The following NCOA6 variants were observed in gnomAD, a reference collection of about 807,000 sequenced individuals.
The protein encoded by NCOA6 is nuclear receptor coactivator 6, also known as NRC RAP250.
A neutral mutation model predicts 171.4 loss-of-function variants in NCOA6; 49 were observed. The ratio of observed to expected loss-of-function variants is 0.29; its 90% CI spans 0.23 to 0.36. NCOA6 has a LOEUF of 0.36. Among genes scored for constraint, NCOA6 ranks in the 10% least tolerant of loss-of-function variants. The pLI, the probability that NCOA6 is intolerant of heterozygous loss-of-function variation, is 1.00. For synonymous variants in NCOA6, 910 were observed against 927.5 expected (o/e 0.98, Z 0.34); for missense variants, 2,248 against 2,554.5 (o/e 0.88, Z 2.59).
Position 34,715,299 on chromosome 20 carries a change from T to C in NCOA6, c.*23A>G. ...TGTAAAAGTCACACACATTTCCAAGTATCAAGTCGCAGTCCTGCTTGTTTA... is the reference window on the plus strand; with the variant it reads ...TGTAAAAGTCACACACATTTCCAAGCATCAAGTCGCAGTCCTGCTTGTTTA... On this transcript the variant is annotated 3_prime_UTR_variant, in exon 15 of 15. Transcript: ENST00000359003. 1 of 1,613,924 alleles carries C rather than the reference T, an allele frequency of 6.2e-7. No individual in the cohort carries two copies. The highest frequency in any genetic ancestry group is 8.5e-7 in the Non-Finnish European group (1 of 1,179,814).
Position 34,749,853 on chromosome 20 carries a change from A to G in NCOA6, c.2342T>C (p.Met781Thr). 1.9e-6 allele frequency: 3 copies of G among 1,614,244 alleles called. No individual in the cohort carries two copies. The highest frequency in any genetic ancestry group is 2.5e-6 in the Non-Finnish European group (3 of 1,180,042). ...CCGCAGGACCTGTCCCTGAATGCCC[A>G]TAACCTGAGATGGACTGTTGTTCAC... ...GPVNNSPSQV[M>T]GIQGQVLRPP... The change falls in exon 9 of 15, where the codon ATG (methionine) becomes ACG (threonine). Residue 781 changes from methionine to threonine, a missense_variant. Transcript: ENST00000359003.
At chr20:34,783,490 T>C (rs77227338) in intron 2 of NCOA6, among the ~76,000 whole-genome samples, 2,077 of 152,324 alleles carry the variant, frequency 0.014, 44 homozygotes, top group African/African-American at 0.048. Flanking sequence ...GAAGATCACA[T>C]ACTTAACCCA....
intron 10 of NCOA6, among the ~76,000 whole-genome samples, chr20:34,745,870 C>CTT (rs1160743676): frequency 6.6e-5 from 10 of 152,112 alleles, no homozygotes; most frequent in African/African-American, 9.7e-5. Flanking sequence ...ATTTTAGGAG[C>CTT]TTTTCCATCT....
In NCOA6 at chr20:34,757,452, G is replaced by A; in HGVS notation, c.1296C>T (p.Pro432=). The A allele has an allele frequency of 1.2e-6, 2 of 1,613,878 alleles. No homozygotes were observed. The highest frequency in any genetic ancestry group is 8.5e-7 in the Non-Finnish European group (1 of 1,179,836). The change falls in exon 7 of 15, where the codon CCC becomes CCT. Residue 432 remains proline (P), a synonymous_variant. Coordinates refer to ENST00000359003, the MANE Select transcript of NCOA6 (RefSeq NM_014071.5). The stretch of plus-strand genomic sequence containing the variant: ...CAGGGGATCCCTGCTGGAAGGAGGA[G>A]GGTGAGGAGGCAGGAGACTTGTTGG... ...HLTNKSPASS[P]SSFQQGSPAS...
At chr20:34,782,724 T>G (rs142524308) in intron 2 of NCOA6, among the ~76,000 whole-genome samples, 20 of 152,262 alleles carry the variant, frequency 1.3e-4, no homozygotes, top group African/African-American at 4.1e-4. Flanking sequence ...TTTTGAGAAT[T>G]ATAGGCCTTT....
intron 7 of NCOA6, among the ~76,000 whole-genome samples, chr20:34,755,204 C>G (rs774729830): frequency 6.6e-6 from 1 of 152,102 alleles, no homozygotes; most frequent in Admixed American, 6.6e-5. Context: ...AACAATGGAC[C>G]CCAAAACTTT....
rs1181347483 is a variant in NCOA6 at position 34,799,523 on chromosome 20, ACTT to A, written c.-163-6963_-163-6961del. Among the ~76,000 whole-genome samples the A allele has an allele frequency of 3.9e-5, 6 of 152,212 alleles. No individual in the cohort carries two copies. In the East Asian group the frequency reaches 1.2e-3, roughly 29 times the overall value. Reference sequence around the variant, plus strand: ...AAGCCAGTTTAACCCAAAGAGTACTACTTCAAGACATTTAATAACCAAACTCCC... The same window carrying A: ...AAGCCAGTTTAACCCAAAGAGTACTACAAGACATTTAATAACCAAACTCCC... On this transcript the variant is annotated intron_variant, in intron 1 of 14. Transcript: ENST00000359003.
chr20:34,776,643 G>A (rs1294834455), intron 3 of NCOA6, 195 bp from the exon 4 acceptor site: 1 of 704,148 alleles, frequency 1.4e-6, no homozygotes, highest in Non-Finnish European at 2.5e-6. Flanking sequence ...GACCATGAAC[G>A]AGCTATTTAA....
chr20:34,799,406 G>A (rs751114357), intron 1 of NCOA6, among the ~76,000 whole-genome samples: 80 of 152,100 alleles, frequency 5.3e-4, no homozygotes, highest in Non-Finnish European at 2.9e-4. Context: ...GAAAGAGAGG[G>A]GCAGAAAGTT....
At chr20:34,747,503 T>G (rs955262250) in intron 9 of NCOA6, among the ~76,000 whole-genome samples, 3 of 152,220 alleles carry the variant, frequency 2.0e-5, no homozygotes, top group Non-Finnish European at 4.4e-5. Flanking sequence ...TTTACCTGGG[T>G]GTAGCTTAAA....
chr20:34,743,403 T>C (rs1485733536), intron 10 of NCOA6, 62 bp from the exon 11 acceptor site: 11 of 1,518,510 alleles, frequency 7.2e-6, no homozygotes, highest in Non-Finnish European at 9.8e-6. Flanking sequence ...TTGCTACCTT[T>C]AGAGTATAGC....
chr20:34,790,350 T>G lies in NCOA6; in HGVS notation c.-50+2100A>C, dbSNP rs188167006. 3.3e-4 allele frequency among the ~76,000 whole-genome samples: 50 copies of G among 152,048 alleles called. No individual in the cohort carries two copies. In the East Asian group the frequency reaches 9.3e-3, roughly 28 times the overall value. On this transcript the variant is annotated intron_variant, in intron 2 of 14. Coordinates refer to ENST00000359003, the MANE Select transcript of NCOA6 (RefSeq NM_014071.5). ...TAACTCCATTTATTTATTTTATTATTTATTTATTTATTTAATTATTTTGAG... is the reference window on the plus strand; with the variant it reads ...TAACTCCATTTATTTATTTTATTATGTATTTATTTATTTAATTATTTTGAG...
intron 4 of NCOA6, among the ~76,000 whole-genome samples, chr20:34,769,600 G>A (rs1021224417): frequency 3.9e-5 from 6 of 152,066 alleles, no homozygotes; most frequent in Non-Finnish European, 8.8e-5. Context: ...CTGACCTCAC[G>A]TGATCCACCC....
chr20:34,766,711 C>A (rs2076993824), intron 5 of NCOA6, among the ~76,000 whole-genome samples: 1 of 152,154 alleles, frequency 6.6e-6, no homozygotes, highest in Non-Finnish European at 1.5e-5. Context: ...GGATCTCTAG[C>A]ATTGTTTCCA....
chr20:34,776,220 G>A, intron 4 of NCOA6, 73 bp downstream of exon 4: 4 of 1,523,606 alleles, frequency 2.6e-6, no homozygotes, highest in Non-Finnish European at 3.6e-6. Flanking sequence ...AGACAAAGCA[G>A]CACAGAAAAT....
intron 13 of NCOA6, among the ~76,000 whole-genome samples, chr20:34,730,866 C>G (rs958916898): frequency 6.6e-6 from 1 of 151,744 alleles, no homozygotes; most frequent in Admixed American, 6.6e-5. Context: ...AGGCACATAC[C>G]ACTATGCCCA....
intron 14 of NCOA6, among the ~76,000 whole-genome samples, chr20:34,717,213 G>A (rs1360100616): frequency 6.6e-6 from 1 of 152,224 alleles, no homozygotes; most frequent in Non-Finnish European, 1.5e-5. Context: ...CACTTTGGGA[G>A]TCTGAGGCGG....
intron 6 of NCOA6, among the ~76,000 whole-genome samples, 154 bp downstream of exon 6, chr20:34,758,651 A>C (rs1483261826): frequency 6.6e-6 from 1 of 152,242 alleles, no homozygotes; most frequent in Non-Finnish European, 1.5e-5. Flanking sequence ...GAAAATAATG[A>C]CATTTAGTTT....
At chr20:34,808,087 T>C (rs1411701850) in intron 1 of NCOA6, among the ~76,000 whole-genome samples, 2 of 151,128 alleles carry the variant, frequency 1.3e-5, no homozygotes, top group Admixed American at 6.6e-5. Flanking sequence ...GAGGCGGAGG[T>C]TGCAGTGAGC....
Sources: gnomAD v4.1 joint callset for allele counts (sites outside exome capture counted in the v4.1 genomes callset) on GRCh38, gnomAD v4.1.1 for gene constraint, MANE v1.5 for transcripts, NCBI Gene and HGNC (gene_info 2026-07-23, HGNC 2026-07-21) for gene names.